The following NHS variants were observed in gnomAD, a reference collection of about 807,000 sequenced individuals.
NHS encodes NHS actin remodeling regulator.
NHS carries 5 observed loss-of-function variants against 72.5 expected under a neutral mutation model. That is an observed-to-expected ratio of 0.07 (90% confidence interval 0.04 to 0.14). The LOEUF is 0.14. Among genes scored for constraint, NHS ranks in the 10% least tolerant of loss-of-function variants. NHS has a pLI of 1.00. For missense variants in NHS, 1,072 were observed against 1,355.7 expected (o/e 0.79, Z 3.29); for synonymous variants, 464 against 547.7 (o/e 0.85, Z 2.13).
intron 1 of NHS, among the ~76,000 whole-genome samples, chrX:17,667,785 T>C (rs1266417899): frequency 1.8e-5 from 2 of 110,168 alleles, no homozygotes; most frequent in African/African-American, 6.6e-5. Context: ...AAGCCTCTCA[T>C]CTTTCTTAGA....
chrX:17,441,098 T>A (rs2064750833), intron 1 of NHS, among the ~76,000 whole-genome samples: 1 of 111,855 alleles, frequency 8.9e-6, no homozygotes, highest in African/African-American at 3.3e-5. Flanking sequence ...TTCCTGGAAA[T>A]GTGTATTCTT....
intron 1 of NHS, among the ~76,000 whole-genome samples, chrX:17,383,693 C>T (rs1345282545): frequency 1.8e-5 from 2 of 111,827 alleles, no homozygotes; most frequent in African/African-American, 6.5e-5. Context: ...CCCCATGATC[C>T]AGTCACCTCC....
intron 1 of NHS, among the ~76,000 whole-genome samples, chrX:17,377,192 G>A (rs997188694): frequency 2.7e-5 from 3 of 112,388 alleles, no homozygotes; most frequent in African/African-American, 9.7e-5. Flanking sequence ...TCTGCTAGGC[G>A]GGCTGCAGGG....
intron 1 of NHS, among the ~76,000 whole-genome samples, chrX:17,635,878 CCTT>C (rs750818800): frequency 1.8e-5 from 2 of 112,309 alleles, no homozygotes; most frequent in African/African-American, 6.5e-5. Context: ...CCTTTGCTCT[CCTT>C]CTGAGGCATC....
intron 1 of NHS, among the ~76,000 whole-genome samples, chrX:17,423,386 TCTC>T (rs2064633796): frequency 9.0e-6 from 1 of 111,457 alleles, no homozygotes; most frequent in African/African-American, 3.3e-5. Context: ...TGAGCAGGCA[TCTC>T]CTCCTCCTCC....
At chrX:17,594,729 G>A (rs1263225571) in intron 1 of NHS, among the ~76,000 whole-genome samples, 1 of 112,883 alleles carries the variant, frequency 8.9e-6, no homozygotes, top group East Asian at 2.8e-4. Flanking sequence ...CCTTCATTGA[G>A]AGCGTCCTCT....
chrX:17,719,672 G>C (rs888934259), intron 4 of NHS, among the ~76,000 whole-genome samples: 1 of 110,538 alleles, frequency 9.0e-6, no homozygotes, highest in African/African-American at 3.3e-5. Context: ...TTTGTAGTCT[G>C]GCAGAGGAAC....
chrX:17,665,662 T>A (rs1277822302), intron 1 of NHS, among the ~76,000 whole-genome samples: 2 of 111,488 alleles, frequency 1.8e-5, no homozygotes, highest in African/African-American at 6.5e-5. Context: ...ATATTAGGAT[T>A]ATATAGACTT....
At chrX:17,508,300 A>G (rs2065068777) in intron 1 of NHS, among the ~76,000 whole-genome samples, 1 of 109,623 alleles carries the variant, frequency 9.1e-6, no homozygotes. Context: ...TGGACATTTC[A>G]TATAACTGGA....
chrX:17,535,103 C>G, intron 1 of NHS, among the ~76,000 whole-genome samples: 1 of 112,139 alleles, frequency 8.9e-6, no homozygotes, highest in Non-Finnish European at 1.9e-5. Context: ...CATAACCTAC[C>G]TTTATAGCTT....
At chrX:17,437,387 T>C (rs2146880049) in intron 1 of NHS, among the ~76,000 whole-genome samples, 1 of 111,932 alleles carries the variant, frequency 8.9e-6, no homozygotes, top group East Asian at 2.8e-4. Flanking sequence ...GATGCGTTCC[T>C]CAACTTTGAC....
intron 1 of NHS, among the ~76,000 whole-genome samples, chrX:17,594,919 A>G (rs529023132): frequency 7.1e-5 from 8 of 112,454 alleles, no homozygotes; most frequent in African/African-American, 2.6e-4. Context: ...GTCATTAGCT[A>G]TGGGCTGCCT....
chrX:17,473,279 A>G (rs1326297903), intron 1 of NHS, among the ~76,000 whole-genome samples: 1 of 112,102 alleles, frequency 8.9e-6, no homozygotes, highest in Non-Finnish European at 1.9e-5. Context: ...GACATATATG[A>G]ACCAGCCAGA....
intron 1 of NHS, chrX:17,552,254 C>G (rs1193069813): frequency 1.8e-5 from 2 of 112,486 alleles, no homozygotes; most frequent in Non-Finnish European, 3.7e-5. Flanking sequence ...CCCTAACCAT[C>G]TGCTGGGAAT....
intron 1 of NHS, among the ~76,000 whole-genome samples, chrX:17,584,716 C>T (rs776663217): frequency 2.4e-4 from 27 of 111,648 alleles, no homozygotes; most frequent in African/African-American, 8.1e-4. Flanking sequence ...CATCCCCAGT[C>T]ACTTGAGGTC....
At chrX:17,723,783 G>A (rs1207702903) in intron 5 of NHS, among the ~76,000 whole-genome samples, 2 of 107,887 alleles carry the variant, frequency 1.9e-5, no homozygotes, top group African/African-American at 6.8e-5. Context: ...GCGCGCGTGC[G>A]CGCATGGGGA....
intron 1 of NHS, among the ~76,000 whole-genome samples, chrX:17,559,078 G>A (rs1379382983): frequency 8.9e-6 from 1 of 112,175 alleles, no homozygotes; most frequent in African/African-American, 3.2e-5. Context: ...GTCCAGGGTA[G>A]CAAAAGCATC....
At chrX:17,675,380 G>T (rs1191951829) in intron 1 of NHS, among the ~76,000 whole-genome samples, 1 of 112,277 alleles carries the variant, frequency 8.9e-6, no homozygotes, top group Non-Finnish European at 1.9e-5. Context: ...TCTTAGATTT[G>T]AATTGGCAAT....
chrX:17,476,502 C>T (rs1162042647), intron 1 of NHS, among the ~76,000 whole-genome samples: 3 of 111,445 alleles, frequency 2.7e-5, no homozygotes, highest in African/African-American at 9.8e-5. Context: ...AGGAATTAGC[C>T]AGGTCTCCCT....
Sources: allele counts gnomAD v4.1 joint callset (sites outside exome capture counted in the v4.1 genomes callset), GRCh38; gene constraint gnomAD v4.1.1; transcripts MANE v1.5; gene names NCBI Gene and HGNC (gene_info 2026-07-23, HGNC 2026-07-21).